Variants in FBXO8 observed in about 807,000 individuals in gnomAD.
The protein encoded by FBXO8 is F-box only protein 8.
A neutral mutation model predicts 33.4 loss-of-function variants in FBXO8; 15 were observed. The ratio of observed to expected loss-of-function variants is 0.45; its 90% CI spans 0.30 to 0.69. The LOEUF is 0.69. Among genes scored for constraint, FBXO8 ranks in the 30% least tolerant of loss-of-function variants. FBXO8 has a pLI of 0.08. For missense variants in FBXO8, 274 were observed against 380.3 expected (o/e 0.72, Z 2.32); for synonymous variants, 132 against 131.5 (o/e 1.00, Z -0.02).
rs1302735229 is a variant in FBXO8, at chr4:174,270,724, C to T, written c.-8-7624G>A. Among the ~76,000 whole-genome samples, 1 of 151,452 alleles carries T rather than the reference C, an allele frequency of 6.6e-6. No individual in the cohort carries two copies. The highest frequency in any genetic ancestry group is 1.9e-4 in the East Asian group (1 of 5,146). ...CTCCACCTCCCAGGTTCAAGTGATT[C>T]TCCTGTCTCAGCCTCCCGAGTGCTG... On this transcript the variant is annotated intron_variant, in intron 1 of 5. Transcript: ENST00000393674. The surrounding 1 kb of genome is among the most constrained non-coding windows in gnomAD (Gnocchi z 4.6).
chr4:174,268,563 A>T (rs1017827369), intron 1 of FBXO8, among the ~76,000 whole-genome samples: 1 of 151,900 alleles, frequency 6.6e-6, no homozygotes, highest in Admixed American at 6.6e-5. Context: ...CAGCCTCCAG[A>T]GTGCTGGGAC....
rs1736354794 is a variant in FBXO8 at position 174,253,872 on chromosome 4, C to G, written c.456+5827G>C. On this transcript the variant is annotated intron_variant, in intron 3 of 5. Coordinates refer to ENST00000393674, the MANE Select transcript of FBXO8 (RefSeq NM_012180.3). The surrounding 1 kb of genome is among the most constrained non-coding windows in gnomAD (Gnocchi z 4.5). ...CCTCTCTTTCTTTGTACTGGGGACA[C>G]TATTATGGGGGAAGTGATATTTTGA... Among the ~76,000 whole-genome samples, 1 of 152,092 alleles carries G rather than the reference C, an allele frequency of 6.6e-6. No individual in the cohort carries two copies. The highest frequency in any genetic ancestry group is 2.4e-5 in the African/African-American group (1 of 41,424).
chr4:174,260,781 A>T (rs1434633230), intron 2 of FBXO8, among the ~76,000 whole-genome samples: 1 of 152,054 alleles, frequency 6.6e-6, no homozygotes, highest in Non-Finnish European at 1.5e-5. Context: ...AGAGAAACAG[A>T]GAATACTGAA....
Position 174,256,013 on chromosome 4 carries a change from C to A in FBXO8, c.456+3686G>T. The A allele has an allele frequency of 2.2e-6, 1 of 452,272 alleles. No homozygotes were observed. Among genetic ancestry groups the A allele is most frequent in the Non-Finnish European group, 4.4e-6 (1 of 225,334 alleles). The allele number at this position is 452,272 out of a possible 1,614,324, so 28.0% of individuals were successfully genotyped here. A position where few individuals can be genotyped will look rare whatever the true frequency, so the allele number is the denominator to read the frequency against. On this transcript the variant is annotated intron_variant, in intron 3 of 5. Coordinates refer to ENST00000393674, the MANE Select transcript of FBXO8 (RefSeq NM_012180.3). This position sits in a 1 kb window ranked among gnomAD's most constrained non-coding sequence, Gnocchi z 4.6. ...ATGTCATGCATAGTACAACAGCGTG[C>A]CAGATTATCGTACCACAAACTGTGC... is the stretch of plus-strand genomic sequence containing the variant.
intron 4 of FBXO8, 72 bp from the exon 5 acceptor site, chr4:174,239,262 A>G: frequency 1.8e-6 from 2 of 1,139,658 alleles, no homozygotes; most frequent in South Asian, 2.0e-5. Context: ...AAAATAACAA[A>G]TTTCCATTTT....
At chr4:174,246,102 G>A (rs17060428) in intron 3 of FBXO8, among the ~76,000 whole-genome samples, 27,349 of 151,862 alleles carry the variant, frequency 0.18, 2,997 homozygotes, top group East Asian at 0.59. Context: ...ATTAGTAAGG[G>A]AGTAATGAAG....
intron 1 of FBXO8, chr4:174,268,976 G>A (rs1736767583): frequency 6.6e-6 from 1 of 152,208 alleles, no homozygotes; most frequent in Non-Finnish European, 1.5e-5. Flanking sequence ...AAATGTTAGT[G>A]AGTAGGTAAA....
rs1195848123 is a variant in FBXO8 at position 174,241,985 on chromosome 4, T to G, written c.457-767A>C. On this transcript the variant is annotated intron_variant, in intron 3 of 5. Transcript: ENST00000393674. The surrounding 1 kb of genome is among the most constrained non-coding windows in gnomAD (Gnocchi z 4.2). The stretch of plus-strand genomic sequence containing the variant: ...AAACACCACCAACAAAAAAATCAAA[T>G]GCTGAAAACAGTATTCTCTCACATA... Among the ~76,000 whole-genome samples, 1 of 151,540 alleles carries G rather than the reference T, an allele frequency of 6.6e-6. No individual in the cohort carries two copies. The highest frequency in any genetic ancestry group is 1.5e-5 in the Non-Finnish European group (1 of 67,592).
intron 1 of FBXO8, chr4:174,269,120 T>C (rs1736771561): frequency 6.6e-6 from 1 of 152,208 alleles, no homozygotes; most frequent in South Asian, 2.1e-4. Flanking sequence ...ATCTATAGAA[T>C]TCTTTCTAAG....
chr4:174,265,704 T>C lies in FBXO8; in HGVS notation c.-8-2604A>G, dbSNP rs1305625874. Among the ~76,000 whole-genome samples, 2 of 152,116 alleles carry C rather than the reference T, an allele frequency of 1.3e-5. No homozygotes were observed. The highest frequency in any genetic ancestry group is 4.8e-5 in the African/African-American group (2 of 41,448). The stretch of plus-strand genomic sequence containing the variant: ...TGATCAACGTACAAAAAATAGAGAA[T>C]GTCAACAAAAAATTATAAGTACAAG... On this transcript the variant is annotated intron_variant, in intron 1 of 5. Transcript: ENST00000393674. This position sits in a 1 kb window ranked among gnomAD's most constrained non-coding sequence, Gnocchi z 4.7.
At chr4:174,268,235 C>A (rs570736226) in intron 1 of FBXO8, among the ~76,000 whole-genome samples, 3 of 152,234 alleles carry the variant, frequency 2.0e-5, no homozygotes, top group East Asian at 3.9e-4. Flanking sequence ...CAATACATAA[C>A]CTTACTGTAT....
rs1298208648 is a variant in FBXO8, at chr4:174,270,763, C to T, written c.-8-7663G>A. Among the ~76,000 whole-genome samples the T allele has an allele frequency of 7.2e-5, 11 of 152,080 alleles. No homozygotes were observed. The South Asian group carries it at 2.3e-3, about 32-fold the overall frequency. Reference sequence around the variant, plus strand: ...TCCCGAGTGCTGGGATTACAGGCACCTGCCACCACGCCTGGCTAATTTTTG... The same window carrying T: ...TCCCGAGTGCTGGGATTACAGGCACTTGCCACCACGCCTGGCTAATTTTTG... On this transcript the variant is annotated intron_variant, in intron 1 of 5. Coordinates refer to ENST00000393674, the MANE Select transcript of FBXO8 (RefSeq NM_012180.3). The surrounding 1 kb of genome is among the most constrained non-coding windows in gnomAD (Gnocchi z 4.6).
chr4:174,239,565 T>C (rs370967897), intron 4 of FBXO8, among the ~76,000 whole-genome samples: 3 of 151,920 alleles, frequency 2.0e-5, no homozygotes, highest in Non-Finnish European at 4.4e-5. Flanking sequence ...GTAATGACAG[T>C]CTCCACCTAT....
At position 174,237,748 on chromosome 4, in the gene FBXO8, A is replaced by G. The variant is rs75654897; in HGVS notation, c.773-149T>C. The G allele has an allele frequency of 1.6e-3, 1,107 of 681,468 alleles. 7 individuals are homozygous for G. In the African/African-American group the frequency reaches 0.018, roughly 11 times the overall value. The allele number at this position is 681,468 out of a possible 1,614,324, so 42.2% of individuals were successfully genotyped here. ...GACCAATCCATCCCAGTTTGTCTAG[A>G]CTCTTCCCAGTTTTGCACTGAAAGT... On this transcript the variant is annotated intron_variant, in intron 5 of 5. Transcript: ENST00000393674. This position sits in a 1 kb window ranked among gnomAD's most constrained non-coding sequence, Gnocchi z 4.4.
intron 1 of FBXO8, among the ~76,000 whole-genome samples, chr4:174,268,778 G>A (rs928366027): frequency 6.6e-6 from 1 of 152,138 alleles, no homozygotes; most frequent in Non-Finnish European, 1.5e-5. Context: ...AAAAGCATGT[G>A]GGAAATGTGG....
In FBXO8 at chr4:174,256,056, C is replaced by T. The variant is rs1736408714; in HGVS notation, c.456+3643G>A. Reference sequence around the variant, plus strand: ...AACTGTGCAGATGTTCTCCCCCACCCCATGAGCCACTGCCAGCAGCTGCTG... The same window carrying T: ...AACTGTGCAGATGTTCTCCCCCACCTCATGAGCCACTGCCAGCAGCTGCTG... On this transcript the variant is annotated intron_variant, in intron 3 of 5. Transcript: ENST00000393674. This position sits in a 1 kb window ranked among gnomAD's most constrained non-coding sequence, Gnocchi z 4.6. 1 of 455,950 alleles carries T rather than the reference C, an allele frequency of 2.2e-6. No individual in the cohort carries two copies. Among genetic ancestry groups the T allele is most frequent in the Non-Finnish European group, 4.4e-6 (1 of 226,808 alleles). 28.2% of individuals were successfully genotyped at this position (455,950 alleles called of 1,614,324 possible). A position where few individuals can be genotyped will look rare whatever the true frequency, so the allele number is the denominator to read the frequency against.
At position 174,265,335 on chromosome 4, in the gene FBXO8, G is replaced by C. The variant is rs1176181294; in HGVS notation, c.-8-2235C>G. The stretch of plus-strand genomic sequence containing the variant: ...TATTTAGGTATTTACCTAATTAAAA[G>C]CTTTTTATTTAGGTATTTACCTAAT... On this transcript the variant is annotated intron_variant, in intron 1 of 5. Coordinates refer to ENST00000393674, the MANE Select transcript of FBXO8 (RefSeq NM_012180.3). The surrounding 1 kb of genome is among the most constrained non-coding windows in gnomAD (Gnocchi z 4.7). Among the ~76,000 whole-genome samples the C allele has an allele frequency of 8.7e-6, 1 of 114,954 alleles. No homozygotes were observed. Among genetic ancestry groups the C allele is most frequent in the Admixed American group, 8.3e-5 (1 of 12,116 alleles). 75.4% of individuals were successfully genotyped at this position (114,954 alleles called of 152,430 possible).
rs1449485487 is a variant in FBXO8 at position 174,277,158 on chromosome 4, GAAC to G, written c.-9+6249_-9+6251del. On this transcript the variant is annotated intron_variant, in intron 1 of 5. Coordinates refer to ENST00000393674, the MANE Select transcript of FBXO8 (RefSeq NM_012180.3). The surrounding 1 kb of genome is among the most constrained non-coding windows in gnomAD (Gnocchi z 4.9). ...ATTACACATTTATTAAAATTTATAAGAACAATAATAGTTTTCTATACTTTTTAA... is the reference window on the plus strand; with the variant it reads ...ATTACACATTTATTAAAATTTATAAGAATAATAGTTTTCTATACTTTTTAA... Among the ~76,000 whole-genome samples the G allele has an allele frequency of 6.6e-6, 1 of 152,000 alleles. No individual in the cohort carries two copies. The highest frequency in any genetic ancestry group is 1.5e-5 in the Non-Finnish European group (1 of 67,982).
rs768394345 is a variant in FBXO8, at chr4:174,270,620, ATTTTT to A, written c.-8-7525_-8-7521del. On this transcript the variant is annotated intron_variant, in intron 1 of 5. Coordinates refer to ENST00000393674, the MANE Select transcript of FBXO8 (RefSeq NM_012180.3). The surrounding 1 kb of genome is among the most constrained non-coding windows in gnomAD (Gnocchi z 4.6). ...TTCATGCTCATGTCTTAGGAATAGT[ATTTTT>A]TTTTTTTTTTGAGATTTAGTCTTGT... Among the ~76,000 whole-genome samples, 1 of 142,606 alleles carries A rather than the reference ATTTTT, an allele frequency of 7.0e-6. No homozygotes were observed. Among genetic ancestry groups the A allele is most frequent in the Non-Finnish European group, 1.5e-5 (1 of 64,900 alleles). The allele number at this position is 142,606 out of a possible 152,430, so 93.6% of individuals were successfully genotyped here.
Sources: allele counts gnomAD v4.1 joint callset (sites outside exome capture counted in the v4.1 genomes callset), GRCh38; gene constraint gnomAD v4.1.1; non-coding constraint Gnocchi (gnomAD v3.1); transcripts MANE v1.5; gene names NCBI Gene and HGNC (gene_info 2026-07-23, HGNC 2026-07-21).